Variants in IQSEC1 observed in about 807,000 individuals in gnomAD.
IQSEC1 encodes IQ motif and SEC7 domain-containing protein 1.
A neutral mutation model predicts 91.0 loss-of-function variants in IQSEC1; 31 were observed. The observed-to-expected ratio is 0.34, with a 90% CI of 0.26 to 0.46. The LOEUF (loss-of-function observed/expected upper bound fraction) is 0.46. Among genes scored for constraint, IQSEC1 ranks in the 20% least tolerant of loss-of-function variants. The probability of loss-of-function intolerance (pLI) is 1.00; values close to 1 mark genes in which losing one functional copy is unlikely to be tolerated. For synonymous variants in IQSEC1, 699 were observed against 662.6 expected, an observed-to-expected ratio of 1.05 and a Z score of -0.84; for missense variants, 1,388 against 1,575.6, an observed-to-expected ratio of 0.88 and a Z score of 2.02.
chr3:13,156,320 C>T (rs1400591342), intron 2 of IQSEC1, among the ~76,000 whole-genome samples: 1 of 152,082 alleles, frequency 6.6e-6, no homozygotes, highest in Non-Finnish European at 1.5e-5. Context: ...ATAATGAAGA[C>T]CATATACAAA....
At chr3:13,208,136 G>A (rs1694377274) in intron 1 of IQSEC1, among the ~76,000 whole-genome samples, 1 of 150,670 alleles carries the variant, frequency 6.6e-6, no homozygotes, top group African/African-American at 2.5e-5. Flanking sequence ...CAGACAGATG[G>A]AGCAAAACAA....
chr3:13,254,501 G>A (rs1695252616), intron 1 of IQSEC1, among the ~76,000 whole-genome samples: 1 of 152,266 alleles, frequency 6.6e-6, no homozygotes, highest in South Asian at 2.1e-4. Flanking sequence ...GCACAAAGGT[G>A]TTAGTGAGGG....
chr3:13,269,377 GT>G (rs1218845207), intron 1 of IQSEC1, among the ~76,000 whole-genome samples: 1 of 152,232 alleles, frequency 6.6e-6, no homozygotes, highest in Non-Finnish European at 1.5e-5. Flanking sequence ...CTCTCTGGAT[GT>G]TTTGGCTGCT....
At chr3:13,041,004 G>A (rs941976596) in intron 1 of IQSEC1, among the ~76,000 whole-genome samples, 1 of 152,092 alleles carries the variant, frequency 6.6e-6, no homozygotes, top group African/African-American at 2.4e-5. Flanking sequence ...ATTGCATCTC[G>A]AGACAGGAAA....
chr3:12,986,544 G>A (rs1701744005), intron 1 of IQSEC1, among the ~76,000 whole-genome samples: 1 of 152,216 alleles, frequency 6.6e-6, no homozygotes, highest in Non-Finnish European at 1.5e-5. Flanking sequence ...ACACACAGAG[G>A]TGCTCAGCAC....
intron 1 of IQSEC1, among the ~76,000 whole-genome samples, chr3:13,247,253 C>T (rs1695123618): frequency 6.6e-6 from 1 of 152,154 alleles, no homozygotes; most frequent in East Asian, 1.9e-4. Flanking sequence ...GGACAGGTCC[C>T]CACCCCTCCC....
At chr3:13,124,682 G>C (rs1706480979) in intron 2 of IQSEC1, among the ~76,000 whole-genome samples, 1 of 152,172 alleles carries the variant, frequency 6.6e-6, no homozygotes, top group African/African-American at 2.4e-5. Context: ...TGGCGGGACT[G>C]TCATTATTCG....
At chr3:13,081,723 G>A (rs182234175) in intron 2 of IQSEC1, among the ~76,000 whole-genome samples, 1 of 152,332 alleles carries the variant, frequency 6.6e-6, no homozygotes, top group East Asian at 1.9e-4. Flanking sequence ...ATTCTGCAGG[G>A]ACCAGTGCAC....
chr3:12,904,553 G>A (rs1261753409), intron 12 of IQSEC1, among the ~76,000 whole-genome samples: 1 of 152,198 alleles, frequency 6.6e-6, no homozygotes, highest in Non-Finnish European at 1.5e-5. Context: ...GGGACATGGA[G>A]CAAAGTAGAG....
At position 13,233,944 on chromosome 3, in the gene IQSEC1, C is replaced by CT. The variant is rs1694877229; in HGVS notation, c.272+48766dup. Among the ~76,000 whole-genome samples, 5 of 152,332 alleles carry CT rather than the reference C, an allele frequency of 3.3e-5. No individual in the cohort carries two copies. The South Asian group carries it at 1.0e-3, about 32-fold the overall frequency. Reference sequence around the variant, plus strand: ...GGTGAATCAAGATAAAATGTGCAAACTGTTCAGACAAGAGGCCAGGCAGGT... The same window carrying CT: ...GGTGAATCAAGATAAAATGTGCAAACTTGTTCAGACAAGAGGCCAGGCAGGT... On this transcript the variant is annotated intron_variant, in intron 1 of 15. Transcript: ENST00000648114.
At chr3:13,015,281 G>A (rs1002317345) in intron 1 of IQSEC1, among the ~76,000 whole-genome samples, 5 of 152,268 alleles carry the variant, frequency 3.3e-5, no homozygotes, top group South Asian at 2.1e-4. Flanking sequence ...GGTGGGCTGC[G>A]GGGCCCTGGT....
rs534201537 is a variant in IQSEC1 at position 13,016,204 on chromosome 3, A to G, written c.23+56788T>C. ...GGAGAGCCGCCACCAGCCCATCCTG[A>G]CATTGCCAGTGTCCGGGCCCAGGCC... On this transcript the variant is annotated intron_variant, in intron 1 of 13. Coordinates refer to ENST00000613206, the MANE Select transcript of IQSEC1 (RefSeq NM_001134382.3). Among the ~76,000 whole-genome samples the G allele has an allele frequency of 1.5e-3, 228 of 152,306 alleles. 1 individual carries two copies. The highest frequency in any genetic ancestry group is 3.4e-3 in the Middle Eastern group (1 of 294).
intron 1 of IQSEC1, chr3:13,022,065 C>T (rs1208899446): frequency 8.9e-6 from 11 of 1,231,944 alleles, no homozygotes; most frequent in Non-Finnish European, 1.0e-5. Context: ...AGTACTTCCA[C>T]ATAAGGCTCC....
At chr3:13,036,637 G>C (rs1704046320) in intron 1 of IQSEC1, among the ~76,000 whole-genome samples, 1 of 152,102 alleles carries the variant, frequency 6.6e-6, no homozygotes, top group Admixed American at 6.5e-5. Context: ...CAGCGGTGTG[G>C]GGGGTGCCCG....
intron 1 of IQSEC1, among the ~76,000 whole-genome samples, chr3:13,274,104 G>T (rs1175948768): frequency 6.6e-6 from 1 of 152,166 alleles, no homozygotes. Context: ...CTGTCTTTGG[G>T]TTTTCCCAGG....
chr3:13,263,433 G>A (rs1011605748), intron 1 of IQSEC1, among the ~76,000 whole-genome samples: 7 of 133,702 alleles, frequency 5.2e-5, no homozygotes, highest in Non-Finnish European at 8.2e-5. Context: ...TTTTTGGGGG[G>A]GGGGGGAAAG....
At chr3:13,056,213 T>G (rs1576221229) in intron 1 of IQSEC1, among the ~76,000 whole-genome samples, 1 of 152,148 alleles carries the variant, frequency 6.6e-6, no homozygotes, top group African/African-American at 2.4e-5. Flanking sequence ...CCCAATTCAC[T>G]GATAGGCAAG....
chr3:13,001,833 C>A (rs890589108), intron 1 of IQSEC1, among the ~76,000 whole-genome samples: 5 of 151,804 alleles, frequency 3.3e-5, no homozygotes, highest in Non-Finnish European at 7.4e-5. Context: ...CTGAGGCGGG[C>A]GGATCACCTG....
intron 2 of IQSEC1, among the ~76,000 whole-genome samples, chr3:13,122,262 G>A (rs529208751): frequency 1.6e-4 from 25 of 152,356 alleles, no homozygotes; most frequent in Admixed American, 3.9e-4. Flanking sequence ...CCAGATGGGC[G>A]GAGAGCACAG....
Sources: allele counts gnomAD v4.1 joint callset (sites outside exome capture counted in the v4.1 genomes callset), GRCh38; gene constraint gnomAD v4.1.1; transcripts MANE v1.5; gene names NCBI Gene and HGNC (gene_info 2026-07-23, HGNC 2026-07-21).